WASHC5: variants seen among roughly 807,000 people sequenced by gnomAD.
WASHC5 encodes the protein WASH complex subunit 5, also known as WASH complex subunit strumpellin.
In WASHC5, 101 loss-of-function variants were observed where a neutral mutation model predicts 150.4. The observed-to-expected ratio is 0.67, with a 90% CI of 0.57 to 0.79. The LOEUF (loss-of-function observed/expected upper bound fraction) is 0.79. WASHC5 is among the 30% of genes least tolerant of loss of function. The pLI is 0.00. For synonymous variants in WASHC5, 467 were observed against 491.2 expected, an observed-to-expected ratio of 0.95 and a Z score of 0.65; for missense variants, 1,195 against 1,396.3, an observed-to-expected ratio of 0.86 and a Z score of 2.30.
intron 16 of WASHC5, 114 bp downstream of exon 16, chr8:125,056,563 A>T: frequency 1.7e-6 from 2 of 1,205,774 alleles, no homozygotes; most frequent in Non-Finnish European, 2.5e-6. Context: ...ATGTGAGACA[A>T]CAAGTCAGAA....
chr8:125,072,134 A>T (rs1816914105), intron 9 of WASHC5, among the ~76,000 whole-genome samples: 1 of 151,852 alleles, frequency 6.6e-6, no homozygotes, highest in Non-Finnish European at 1.5e-5. Flanking sequence ...TGGGCTCAGG[A>T]GTTTGAGACC....
At chr8:125,082,779 G>A (rs1475736296) in intron 3 of WASHC5, 2 of 374,972 alleles carry the variant, frequency 5.3e-6, no homozygotes, top group Non-Finnish European at 9.6e-6. Flanking sequence ...CTTAAGAAGT[G>A]TATTAAGAGA....
intron 9 of WASHC5, among the ~76,000 whole-genome samples, chr8:125,070,146 G>T (rs530925730): frequency 6.6e-6 from 1 of 152,244 alleles, no homozygotes; most frequent in East Asian, 1.9e-4. Context: ...TTTCCTCAGA[G>T]AATATTTCTT....
chr8:125,032,235 C>T lies in WASHC5; in HGVS notation c.3335+6G>A. The stretch of plus-strand genomic sequence containing the variant: ...GTCCCACGTAGTCCTGGTTGGTCTT[C>T]TGTACCTTGTACACTGCTCCACCGT... On this transcript the variant is annotated splice_donor_region_variant and intron_variant, in intron 27 of 28. Coordinates refer to ENST00000318410, the MANE Select transcript of WASHC5 (RefSeq NM_014846.4). 1 of 1,614,130 alleles carries T rather than the reference C, an allele frequency of 6.2e-7. No individual in the cohort carries two copies. The highest frequency in any genetic ancestry group is 8.5e-7 in the Non-Finnish European group (1 of 1,180,002).
chr8:125,086,504 G>C (rs1453232204), intron 1 of WASHC5, among the ~76,000 whole-genome samples: 1 of 152,172 alleles, frequency 6.6e-6, no homozygotes, highest in Admixed American at 6.5e-5. Context: ...TATTGGATTA[G>C]GGCCTATCCT....
intron 19 of WASHC5, 37 bp from the exon 20 acceptor site, chr8:125,047,368 G>C (rs757231862): frequency 3.8e-6 from 6 of 1,596,154 alleles, no homozygotes. Context: ...GTAAACCTTT[G>C]ATAAGATAAC....
rs1816448288 is a variant in WASHC5 at position 125,057,600 on chromosome 8, C to T, written c.1831G>A (p.Val611Met). Reference sequence around the variant, plus strand: ...AACTCTCCAGAATAGTACTGTGACACGCTGAGCAGGTCGGGGCTATTTGCC... The same window carrying T: ...AACTCTCCAGAATAGTACTGTGACATGCTGAGCAGGTCGGGGCTATTTGCC... ...NQANSPDLLSVSQYYSGELVS... is the reference protein window; with the variant it reads ...NQANSPDLLSMSQYYSGELVS... Residue 611 changes from valine (V) to methionine (M), a missense_variant, in exon 15 of 29, where the codon GTG (valine) becomes ATG (methionine). Physicochemically the swap from Val to Met is conservative, Grantham distance 21. Transcript: ENST00000318410. The T allele has an allele frequency of 1.2e-6, 2 of 1,613,854 alleles. No individual in the cohort carries two copies. Among genetic ancestry groups the T allele is most frequent in the Non-Finnish European group, 1.7e-6 (2 of 1,179,842 alleles).
At chr8:125,049,292 C>T (rs917504050) in intron 18 of WASHC5, 107 bp from the exon 19 acceptor site, 72 of 1,190,486 alleles carry the variant, frequency 6.0e-5, no homozygotes, top group Middle Eastern at 1.9e-4. Flanking sequence ...GATGCGGTGG[C>T]TCCCACCTGT....
chr8:125,044,465 T>G, intron 21 of WASHC5, 71 bp downstream of exon 21: 1 of 1,532,030 alleles, frequency 6.5e-7, no homozygotes, highest in Non-Finnish European at 9.0e-7. Flanking sequence ...GAGTTCAAAC[T>G]GCCCACTAAA....
At chr8:125,064,276 C>T (rs181947898) in intron 10 of WASHC5, among the ~76,000 whole-genome samples, 93 of 152,184 alleles carry the variant, frequency 6.1e-4, no homozygotes, top group African/African-American at 2.1e-3. Flanking sequence ...GATCATGGCT[C>T]ACTACAACCT....
rs1242487201 is a variant in WASHC5 at position 125,044,656 on chromosome 8, CAT to C, written c.2545_2546del (p.Met849GlufsTer79). ...TGCTGGTCACTTCCTGATGAGTTTT[CAT>C]ATCATACCAAGTGTTCAGCTGGTCT... ...HIDQLNTWYD[M>X]KTHQEVTSSR... On this transcript the variant is annotated frameshift_variant, in exon 21 of 29. Coordinates refer to ENST00000318410, the MANE Select transcript of WASHC5 (RefSeq NM_014846.4). LOFTEE classifies it high-confidence loss of function. 3.7e-6 allele frequency: 6 copies of C among 1,613,962 alleles called. No homozygotes were observed. The Admixed American group carries it at 1.0e-4, about 27-fold the overall frequency.
intron 26 of WASHC5, 133 bp downstream of exon 26, chr8:125,037,104 G>A (rs1304042672): frequency 2.8e-5 from 19 of 670,310 alleles, no homozygotes; most frequent in African/African-American, 1.3e-4. Context: ...ATAAAGACTC[G>A]AATTTCATAA....
In WASHC5 at chr8:125,050,390, T is replaced by C. The variant is rs966145051; in HGVS notation, c.2199+174A>G. ...TCATATTTATACTATAAATTTATAA[T>C]ATGAATGGATTATAAGATCAAAAAG... On this transcript the variant is annotated intron_variant, in intron 18 of 28. Transcript: ENST00000318410. Among the ~76,000 whole-genome samples the C allele has an allele frequency of 3.9e-5, 6 of 152,224 alleles. 1 individual carries two copies. Among genetic ancestry groups the C allele is most frequent in the Admixed American group, 3.9e-4 (6 of 15,288 alleles).
At position 125,081,558 on chromosome 8, in the gene WASHC5, C is replaced by G; in HGVS notation, c.518+103G>C. 5 of 787,514 alleles carry G rather than the reference C, an allele frequency of 6.3e-6. No individual in the cohort carries two copies. In the Admixed American group the frequency reaches 8.6e-5, roughly 13 times the overall value. 48.8% of individuals were successfully genotyped at this position (787,514 alleles called of 1,614,324 possible). ...CCGGCTGAATCGTATACTTTCTTAT[C>G]TATTCTTGGATTACTGCTGTTCACA... is the stretch of plus-strand genomic sequence containing the variant. On this transcript the variant is annotated intron_variant, in intron 5 of 28. Coordinates refer to ENST00000318410, the MANE Select transcript of WASHC5 (RefSeq NM_014846.4).
chr8:125,089,043 A>AGG (rs1817513407), intron 1 of WASHC5, among the ~76,000 whole-genome samples: 2 of 152,238 alleles, frequency 1.3e-5, no homozygotes, highest in Admixed American at 1.3e-4. Flanking sequence ...GTACCCTGTA[A>AGG]TACACATTAA....
intron 6 of WASHC5, 141 bp from the exon 7 acceptor site, chr8:125,076,641 T>C (rs904599771): frequency 4.6e-6 from 4 of 869,292 alleles, no homozygotes; most frequent in African/African-American, 3.4e-5. Context: ...CTGGAAGCCC[T>C]TCTCAGACTG....
chr8:125,024,722 T>C (rs903866046), intron 28 of WASHC5, 49 bp from the exon 29 acceptor site: 18 of 1,297,408 alleles, frequency 1.4e-5, no homozygotes, highest in Non-Finnish European at 2.0e-5. Context: ...GTTGAACAAT[T>C]ACAAAATTTT....
At chr8:125,058,977 C>G in intron 14 of WASHC5, among the ~76,000 whole-genome samples, 1 of 152,234 alleles carries the variant, frequency 6.6e-6, no homozygotes, top group Non-Finnish European at 1.5e-5. Context: ...AAAAAAAAAT[C>G]TATTCTTCAC....
At chr8:125,052,045 C>T (rs1345041745) in intron 17 of WASHC5, among the ~76,000 whole-genome samples, 1 of 152,172 alleles carries the variant, frequency 6.6e-6, no homozygotes, top group Non-Finnish European at 1.5e-5. Context: ...GTGGGGCTCA[C>T]TAAATCCTAT....
Sources: allele counts gnomAD v4.1 joint callset (sites outside exome capture counted in the v4.1 genomes callset), GRCh38; gene constraint gnomAD v4.1.1; transcripts MANE v1.5; gene names NCBI Gene and HGNC (gene_info 2026-07-23, HGNC 2026-07-21).